Variants in EPC2 observed in about 807,000 individuals in gnomAD.
EPC2 encodes enhancer of polycomb 2.
A neutral mutation model predicts 92.1 loss-of-function variants in EPC2; 14 were observed. The ratio of observed to expected loss-of-function variants is 0.15; its 90% CI spans 0.10 to 0.24. The LOEUF (loss-of-function observed/expected upper bound fraction) is 0.24. Among genes scored for constraint, EPC2 ranks in the 10% least tolerant of loss-of-function variants. The pLI is 1.00. For missense variants in EPC2, 755 were observed against 971.5 expected, an observed-to-expected ratio of 0.78 and a Z score of 2.96; for synonymous variants, 340 against 334.7, an observed-to-expected ratio of 1.02 and a Z score of -0.17.
intron 1 of EPC2, among the ~76,000 whole-genome samples, chr2:148,687,794 G>GT (rs1302846424): frequency 5.3e-5 from 8 of 152,136 alleles, no homozygotes; most frequent in African/African-American, 1.9e-4. Context: ...TTTCTTTCCC[G>GT]TTTGTTTTTA....
intron 1 of EPC2, among the ~76,000 whole-genome samples, chr2:148,658,614 TA>T (rs1161771168): frequency 2.1e-5 from 2 of 95,548 alleles, no homozygotes; most frequent in African/African-American, 9.3e-5. Flanking sequence ...TGTGTATATA[TA>T]TATATATATA....
chr2:148,684,847 T>C (rs548344015), intron 1 of EPC2, among the ~76,000 whole-genome samples: 5 of 152,246 alleles, frequency 3.3e-5, no homozygotes, highest in Non-Finnish European at 7.3e-5. Flanking sequence ...AAGTCTGTGC[T>C]TCCATAGTCA....
intron 2 of EPC2, among the ~76,000 whole-genome samples, chr2:148,702,855 C>A (rs953799329): frequency 1.3e-5 from 2 of 151,910 alleles, no homozygotes; most frequent in African/African-American, 2.4e-5. Context: ...TCTTTAAGCT[C>A]ATCAGGCTAT....
At chr2:148,709,577 A>G (rs576440149) in intron 2 of EPC2, among the ~76,000 whole-genome samples, 2 of 152,284 alleles carry the variant, frequency 1.3e-5, no homozygotes, top group South Asian at 2.1e-4. Flanking sequence ...GAGGCATCAC[A>G]CTACCTGACT....
At chr2:148,708,792 C>A (rs1009578458) in intron 2 of EPC2, among the ~76,000 whole-genome samples, 1 of 152,208 alleles carries the variant, frequency 6.6e-6, no homozygotes, top group Non-Finnish European at 1.5e-5. Context: ...CAAAATTCAG[C>A]ATCCCTTCAT....
intron 10 of EPC2, among the ~76,000 whole-genome samples, chr2:148,773,067 T>C (rs1356283424): frequency 6.6e-6 from 1 of 152,174 alleles, no homozygotes; most frequent in Non-Finnish European, 1.5e-5. Context: ...AGCTTTCTCC[T>C]ATACATTCCA....
chr2:148,719,523 C>G (rs1471146266), intron 2 of EPC2, among the ~76,000 whole-genome samples: 1 of 152,178 alleles, frequency 6.6e-6, no homozygotes, highest in Non-Finnish European at 1.5e-5. Context: ...GCTCCAAACC[C>G]CAGTTGCTCT....
chr2:148,722,431 C>T (rs1026337951), intron 2 of EPC2, among the ~76,000 whole-genome samples: 1 of 152,172 alleles, frequency 6.6e-6, no homozygotes, highest in Admixed American at 6.5e-5. Flanking sequence ...TGAAAAAATG[C>T]ATCACTAATC....
chr2:148,778,486 A>G (rs1683687598), intron 10 of EPC2, among the ~76,000 whole-genome samples: 1 of 152,318 alleles, frequency 6.6e-6, no homozygotes, highest in East Asian at 1.9e-4. Flanking sequence ...GAAAGAAAAA[A>G]TAACTAGTAG....
At chr2:148,749,853 G>C (rs574299622) in intron 3 of EPC2, among the ~76,000 whole-genome samples, 20 of 152,214 alleles carry the variant, frequency 1.3e-4, no homozygotes, top group African/African-American at 4.8e-4. Context: ...TTAATGAGCA[G>C]TCAGATTATA....
chr2:148,644,840 G>T lies in EPC2; in HGVS notation c.-178G>T. ...TGTGTGGAGGCGGCCGCGGGCGCGG[G>T]GGGCTGTTTTCGGGCGGGGTGGGCG... On this transcript the variant is annotated 5_prime_UTR_variant, in exon 1 of 14. Coordinates refer to ENST00000258484, the MANE Select transcript of EPC2 (RefSeq NM_015630.4). 1.8e-6 allele frequency: 1 copy of T among 552,658 alleles called. No homozygotes were observed. Among genetic ancestry groups the T allele is most frequent in the South Asian group, 2.1e-5 (1 of 46,548 alleles). 34.2% of individuals were successfully genotyped at this position (552,658 alleles called of 1,614,324 possible).
In EPC2 at chr2:148,675,428, A is replaced by G. The variant is rs182999299; in HGVS notation, c.154-14786A>G. On this transcript the variant is annotated intron_variant, in intron 1 of 13. Transcript: ENST00000258484. ...GAGAGTTGTTCATCAGTAGAGATAT[A>G]GCTGAATCTTGTCTTCTCGTTTTAA... Among the ~76,000 whole-genome samples the G allele has an allele frequency of 8.5e-5, 13 of 152,298 alleles. 1 individual carries two copies. In the East Asian group the frequency reaches 2.5e-3, roughly 29 times the overall value.
intron 2 of EPC2, among the ~76,000 whole-genome samples, chr2:148,718,704 G>A (rs146678445): frequency 3.3e-5 from 5 of 152,226 alleles, no homozygotes; most frequent in Non-Finnish European, 7.4e-5. Context: ...AGAATCTGAT[G>A]ATTATGTGTT....
At chr2:148,774,591 G>A (rs927471586) in intron 10 of EPC2, among the ~76,000 whole-genome samples, 1 of 127,128 alleles carries the variant, frequency 7.9e-6, no homozygotes, top group Admixed American at 9.7e-5. Flanking sequence ...CTCCAGCCAG[G>A]GTGAGACCCT....
intron 2 of EPC2, among the ~76,000 whole-genome samples, chr2:148,697,311 TC>T (rs1393677469): frequency 6.6e-6 from 1 of 151,858 alleles, no homozygotes; most frequent in Non-Finnish European, 1.5e-5. Flanking sequence ...AGTAATGGAT[TC>T]TTTTTTTTTT....
chr2:148,668,552 A>G (rs1227667126), intron 1 of EPC2, among the ~76,000 whole-genome samples: 2 of 152,212 alleles, frequency 1.3e-5, no homozygotes, highest in Non-Finnish European at 2.9e-5. Context: ...AAAATTCACC[A>G]GTGAAACCAT....
intron 4 of EPC2, among the ~76,000 whole-genome samples, chr2:148,759,701 ATG>A (rs1683264534): frequency 6.6e-6 from 1 of 152,254 alleles, no homozygotes; most frequent in East Asian, 1.9e-4. Context: ...TAATTTATAG[ATG>A]TGTGTGTTTA....
intron 1 of EPC2, chr2:148,645,472 G>A: frequency 2.8e-6 from 1 of 363,438 alleles, no homozygotes; most frequent in Non-Finnish European, 5.1e-6. Flanking sequence ...GGCCGCTCTT[G>A]GCGTACGGTC....
At chr2:148,745,410 A>G (rs1427029903) in intron 3 of EPC2, among the ~76,000 whole-genome samples, 1 of 152,138 alleles carries the variant, frequency 6.6e-6, no homozygotes, top group Non-Finnish European at 1.5e-5. Flanking sequence ...TGGACAAGGC[A>G]GGTGATAGCA....
Sources: allele counts gnomAD v4.1 joint callset (sites outside exome capture counted in the v4.1 genomes callset), GRCh38; gene constraint gnomAD v4.1.1; transcripts MANE v1.5; gene names NCBI Gene and HGNC (gene_info 2026-07-23, HGNC 2026-07-21).